NUMA1: variants seen among roughly 807,000 people sequenced by gnomAD.
The protein encoded by NUMA1 is SP-H antigen.
Under a neutral mutation model 237.1 loss-of-function variants are expected in NUMA1, and 62 were observed. The observed-to-expected ratio is 0.26, with a 90% confidence interval of 0.21 to 0.32. NUMA1 has a LOEUF of 0.32. Ranked by LOEUF, NUMA1 falls within the 10% of genes least tolerant of loss-of-function variation. NUMA1 has a pLI of 1.00. For missense variants in NUMA1, 2,533 were observed against 2,666.5 expected, an observed-to-expected ratio of 0.95 and a Z score of 1.10; for synonymous variants, 1,028 against 1,066.1, an observed-to-expected ratio of 0.96 and a Z score of 0.70.
rs957232981 is a variant in NUMA1, at chr11:72,016,165, C to T, written c.1338G>A (p.Gln446=). ...VEMLETERGQ[Q]EAKLLAERGH... ...CCCGCTCAGCAAGCAGCTTGGCTTC[C>T]TGCTGGCCTCGCTCAGTCTCCAGCA... The change falls in exon 15 of 27, where the codon CAG becomes CAA. Residue 446 remains glutamine (Q), a synonymous_variant. Coordinates refer to ENST00000393695, the MANE Select transcript of NUMA1 (RefSeq NM_006185.4). The T allele has an allele frequency of 1.1e-4, 175 of 1,613,772 alleles. No individual in the cohort carries two copies. The highest frequency in any genetic ancestry group is 1.4e-4 in the Non-Finnish European group (169 of 1,179,926).
intron 3 of NUMA1, among the ~76,000 whole-genome samples, chr11:72,033,371 T>G (rs1400389814): frequency 1.7e-3 from 4 of 2,416 alleles, no homozygotes; most frequent in Non-Finnish European, 0.013. Flanking sequence ...TTTGTTTTTT[T>G]TTTTTTTTTT....
At chr11:72,055,881 C>T (rs1313279191) in intron 2 of NUMA1, among the ~76,000 whole-genome samples, 3 of 151,612 alleles carry the variant, frequency 2.0e-5, no homozygotes, top group Admixed American at 6.6e-5. Flanking sequence ...TTTGAGAGGC[C>T]GAGGCAGACA....
At chr11:72,048,050 C>G (rs1565273239) in intron 2 of NUMA1, 1 of 152,034 alleles carries the variant, frequency 6.6e-6, no homozygotes, top group Non-Finnish European at 1.5e-5. Context: ...CCTACGTGAT[C>G]TAGTCATGTA....
chr11:72,008,259 A>G, intron 20 of NUMA1: 1 of 375,482 alleles, frequency 2.7e-6, no homozygotes, highest in Non-Finnish European at 5.1e-6. Context: ...TGTACTCTTC[A>G]GTTTCAAATT....
intron 2 of NUMA1, among the ~76,000 whole-genome samples, chr11:72,053,662 T>C (rs1280857691): frequency 6.6e-6 from 1 of 152,224 alleles, no homozygotes; most frequent in African/African-American, 2.4e-5. Context: ...AGAAGTAATG[T>C]ATGTCTGAAG....
chr11:72,076,684 C>G (rs1355216221), intron 1 of NUMA1: 1 of 151,942 alleles, frequency 6.6e-6, no homozygotes, highest in Non-Finnish European at 1.5e-5. Flanking sequence ...ACTCAGGAGG[C>G]TGAGGCAGGA....
intron 22 of NUMA1, 35 bp downstream of exon 22, chr11:72,006,000 T>C (rs1295678100): frequency 6.7e-7 from 1 of 1,500,954 alleles, no homozygotes; most frequent in African/African-American, 1.4e-5. Context: ...TCCAGTCTAA[T>C]TTTGGGGTAT....
intron 8 of NUMA1, 135 bp downstream of exon 8, chr11:72,021,067 TAC>T: frequency 2.8e-6 from 2 of 703,108 alleles, no homozygotes; most frequent in Non-Finnish European, 5.1e-6. Context: ...CCTACTCCAT[TAC>T]ACACACTTTT....
At position 72,014,179 on chromosome 11, in the gene NUMA1, T is replaced by C. The variant is rs745574243; in HGVS notation, c.3324A>G (p.Gln1108=). 17 of 1,613,756 alleles carry C rather than the reference T, an allele frequency of 1.1e-5. No homozygotes were observed. The highest frequency in any genetic ancestry group is 2.5e-6 in the Non-Finnish European group (3 of 1,180,038). Residue 1108 remains glutamine (Q), a synonymous_variant, in exon 15 of 27, where the codon CAA becomes CAG. Transcript: ENST00000393695. The surrounding 1 kb of genome is among the most constrained non-coding windows in gnomAD (Gnocchi z 4.6). ...EKEHASGSGA[Q]SEAAGRTEPT... ...GCTCTGTCCTGCCAGCAGCCTCAGA[T>C]TGGGCTCCTGAGCCAGATGCGTGCT...
chr11:72,011,281 G>A (rs1044515826), intron 16 of NUMA1, among the ~76,000 whole-genome samples: 1 of 152,184 alleles, frequency 6.6e-6, no homozygotes, highest in African/African-American at 2.4e-5. Context: ...CCCAGAAACT[G>A]CCAAAGCCCA....
rs375877239 is a variant in NUMA1, at chr11:72,004,806, C to T, written c.5840G>A (p.Ser1947Asn). 1.5e-5 allele frequency: 24 copies of T among 1,575,702 alleles called. No homozygotes were observed. In the African/African-American group the frequency reaches 2.3e-4, roughly 15 times the overall value. Reference protein sequence around the residue: ...CYPLESRPSLSLGTITDEEMK... With the variant: ...CYPLESRPSLNLGTITDEEMK... The stretch of plus-strand genomic sequence containing the variant: ...CTCCTCATCTGTGATGGTGCCCAGG[C>T]TCAGGGAAGGCTGCATGGGTGGAAG... Residue 1947 changes from serine (S) to asparagine (N), a missense_variant, in exon 24 of 27, where the codon AGC becomes AAC. Around this residue, in one of 3 missense-constraint regions of NUMA1, gnomAD observed 795 missense variants for 750.8 expected, o/e 1.06. Transcript: ENST00000393695.
chr11:72,030,353 G>C lies in NUMA1; in HGVS notation c.43-1063C>G, dbSNP rs193250311. Among the ~76,000 whole-genome samples, 334 of 122,908 alleles carry C rather than the reference G, an allele frequency of 2.7e-3. 3 individuals are homozygous for C. The highest frequency in any genetic ancestry group is 9.6e-3 in the African/African-American group (318 of 32,974). 80.6% of individuals were successfully genotyped at this position (122,908 alleles called of 152,430 possible). On this transcript the variant is annotated intron_variant, in intron 3 of 26. Transcript: ENST00000393695. The stretch of plus-strand genomic sequence containing the variant: ...CCTGTCTCCAAAGGAAAAAAAAAAA[G>C]AAAAGAAAAGAAAAAAAAAGGGGGC...
intron 19 of NUMA1, 24 bp downstream of exon 19, chr11:72,008,934 GGAGTGAGGT>G (rs765904642): frequency 1.4e-5 from 23 of 1,612,704 alleles, no homozygotes; most frequent in Admixed American, 8.3e-5. Context: ...CAGTGGAATA[GGAGTGAGGT>G]GAGTCTGCCA....
Position 72,078,793 on chromosome 11 carries a change from T to A in NUMA1, c.-103+1665A>T, listed in dbSNP as rs916569707. 2.0e-5 allele frequency among the ~76,000 whole-genome samples: 3 copies of A among 152,286 alleles called. No individual in the cohort carries two copies. In the East Asian group the frequency reaches 5.8e-4, roughly 29 times the overall value. ...CACAGAAAGAGGGACTGAGGAAACA[T>A]AAACCCATCTGTGCTGACAGAAAGC... On this transcript the variant is annotated intron_variant, in intron 1 of 26. Coordinates refer to ENST00000393695, the MANE Select transcript of NUMA1 (RefSeq NM_006185.4).
At chr11:72,020,083 G>A (rs1018222337) in intron 8 of NUMA1, among the ~76,000 whole-genome samples, 25 of 152,058 alleles carry the variant, frequency 1.6e-4, no homozygotes, top group African/African-American at 5.8e-4. Flanking sequence ...TTCTCTTTCC[G>A]TGGTTTCCGT....
Position 72,036,065 on chromosome 11 carries a change from T to C in NUMA1, c.-32-90A>G, listed in dbSNP as rs1940988762. 21 of 962,738 alleles carry C rather than the reference T, an allele frequency of 2.2e-5. No individual in the cohort carries two copies. In the South Asian group the frequency reaches 2.7e-4, roughly 12 times the overall value. 59.6% of individuals were successfully genotyped at this position (962,738 alleles called of 1,614,324 possible). A position where few individuals can be genotyped will look rare whatever the true frequency, so the allele number is the denominator to read the frequency against. On this transcript the variant is annotated intron_variant, in intron 2 of 26. Coordinates refer to ENST00000393695, the MANE Select transcript of NUMA1 (RefSeq NM_006185.4). ...GCGAAATGGTTCAATTTGCCAATTC[T>C]CAACACTTAAATCACTCTTCACTGA... is the stretch of plus-strand genomic sequence containing the variant.
In NUMA1 at chr11:72,012,982, C is replaced by T; in HGVS notation, c.4521G>A (p.Val1507=). 1 of 1,614,204 alleles carries T rather than the reference C, an allele frequency of 6.2e-7. No homozygotes were observed. The highest frequency in any genetic ancestry group is 1.1e-5 in the South Asian group (1 of 91,086). ...TGGCACCCTCATACTTGGCAGTCAT[C>T]ACCTCCAGCTCCCGGGCAGTGCTCT... The part of the protein sequence containing the change: ...EAQSTARELE[V]MTAKYEGAKV... Residue 1507 remains valine (V), a synonymous_variant, in exon 15 of 27, where the codon GTG becomes GTA. Coordinates refer to ENST00000393695, the MANE Select transcript of NUMA1 (RefSeq NM_006185.4).
rs1955665245 is a variant in NUMA1, at chr11:72,006,051, G to A, written c.5676C>T (p.Ser1892=). Reference sequence around the variant, plus strand: ...TCCCCTCACCTGGAGGGGCCCCACTGGACACCCCGGCCTGGGAACGACGAG... The same window carrying A: ...TCCCCTCACCTGGAGGGGCCCCACTAGACACCCCGGCCTGGGAACGACGAG... The part of the protein sequence containing the change: ...SSARRSQAGV[S]SGAPPGRNSF... The change falls in exon 22 of 27, where the codon TCC becomes TCT. Residue 1892 remains serine (S), a synonymous_variant. Coordinates refer to ENST00000393695, the MANE Select transcript of NUMA1 (RefSeq NM_006185.4). 1.2e-6 allele frequency: 2 copies of A among 1,612,374 alleles called. No individual in the cohort carries two copies. The highest frequency in any genetic ancestry group is 1.7e-5 in the Admixed American group (1 of 59,980).
chr11:72,016,747 C>A (rs753934428), intron 13 of NUMA1: 4 of 565,108 alleles, frequency 7.1e-6, no homozygotes, highest in Non-Finnish European at 6.2e-6. Flanking sequence ...CATAATGTAA[C>A]CTGCTTACTA....
Sources: gnomAD v4.1 joint callset for allele counts (sites outside exome capture counted in the v4.1 genomes callset) on GRCh38, gnomAD v4.1.1 for gene constraint, gnomAD v4.1.1 regional missense constraint, Gnocchi (gnomAD v3.1) non-coding constraint, MANE v1.5 for transcripts, NCBI Gene and HGNC (gene_info 2026-07-23, HGNC 2026-07-21) for gene names.